The following DPYS variants were observed in gnomAD, a reference collection of about 807,000 sequenced individuals.
DPYS encodes the protein dihydropyrimidinase.
A neutral mutation model predicts 50.3 loss-of-function variants in DPYS; 39 were observed. The ratio of observed to expected loss-of-function variants is 0.78; its 90% CI spans 0.60 to 1.01. The LOEUF (loss-of-function observed/expected upper bound fraction) is 1.01. DPYS is among the 50% of genes least tolerant of loss of function. DPYS has a pLI of 0.00. For synonymous variants in DPYS, 245 were observed against 250.7 expected (o/e 0.98, Z 0.22); for missense variants, 659 against 680.9 (o/e 0.97, Z 0.36).
chr8:104,443,935 C>G (rs1027252035), intron 4 of DPYS, among the ~76,000 whole-genome samples: 2 of 152,050 alleles, frequency 1.3e-5, no homozygotes, highest in African/African-American at 2.4e-5. Context: ...ATTTAGCTAT[C>G]ATATTTAAAA....
intron 9 of DPYS, chr8:104,380,930 A>C: frequency 2.4e-6 from 1 of 410,084 alleles, no homozygotes; most frequent in Non-Finnish European, 4.6e-6. Context: ...ACTTGCTCAT[A>C]GTTGATTATC....
intron 4 of DPYS, among the ~76,000 whole-genome samples, chr8:104,435,994 T>TGAAGGGGAGGG (rs1813128948): frequency 6.6e-6 from 1 of 151,836 alleles, no homozygotes; most frequent in South Asian, 2.1e-4. Context: ...GAAAGGGCAG[T>TGAAGGGGAGGG]GAAGGGGAGG....
intron 7 of DPYS, among the ~76,000 whole-genome samples, chr8:104,422,399 C>G (rs1812578896): frequency 6.6e-6 from 1 of 152,208 alleles, no homozygotes; most frequent in Non-Finnish European, 1.5e-5. Flanking sequence ...CAGCCTGGTA[C>G]TGAATCTCAT....
chr8:104,398,159 C>G (rs1811653059), intron 7 of DPYS, among the ~76,000 whole-genome samples: 1 of 152,232 alleles, frequency 6.6e-6, no homozygotes, highest in Non-Finnish European at 1.5e-5. Flanking sequence ...AGGGCCCAGG[C>G]ATGTGACCTG....
intron 4 of DPYS, among the ~76,000 whole-genome samples, chr8:104,436,428 G>A (rs571953074): frequency 6.6e-6 from 1 of 152,250 alleles, no homozygotes; most frequent in East Asian, 1.9e-4. Flanking sequence ...TGGCCAACAT[G>A]GCGAAACCCT....
intron 1 of DPYS, among the ~76,000 whole-genome samples, chr8:104,457,387 A>C (rs1564114953): frequency 1.3e-5 from 2 of 152,214 alleles, no homozygotes; most frequent in Non-Finnish European, 2.9e-5. Context: ...GACGTTGTAC[A>C]ATTTAAAACT....
intron 5 of DPYS, among the ~76,000 whole-genome samples, chr8:104,428,988 G>A (rs964689682): frequency 1.3e-5 from 2 of 151,898 alleles, no homozygotes; most frequent in South Asian, 2.1e-4. Context: ...AAGCCACCAC[G>A]CCCAGCCAAT....
intron 9 of DPYS, chr8:104,380,951 T>C (rs905175535): frequency 5.0e-5 from 23 of 464,496 alleles, no homozygotes; most frequent in South Asian, 8.5e-5. Context: ...CAAGGCTGTA[T>C]TGAATGTTTC....
intron 7 of DPYS, among the ~76,000 whole-genome samples, chr8:104,404,051 C>A (rs988569659): frequency 6.6e-6 from 1 of 152,212 alleles, no homozygotes; most frequent in Non-Finnish European, 1.5e-5. Context: ...ATAGGCATAA[C>A]AAATATTTAT....
At chr8:104,401,700 A>T (rs920450439) in intron 7 of DPYS, among the ~76,000 whole-genome samples, 2 of 152,194 alleles carry the variant, frequency 1.3e-5, no homozygotes, top group Non-Finnish European at 1.5e-5. Context: ...TCACCATAGA[A>T]GACTTTTTCT....
At chr8:104,420,394 TAC>T (rs1564094150) in intron 7 of DPYS, 1 of 152,158 alleles carries the variant, frequency 6.6e-6, no homozygotes, top group East Asian at 1.9e-4. Context: ...GGGCTCAGCA[TAC>T]AGTTTCTGCA....
chr8:104,388,470 C>T (rs772632326), intron 8 of DPYS, among the ~76,000 whole-genome samples: 11 of 152,124 alleles, frequency 7.2e-5, no homozygotes, highest in African/African-American at 1.4e-4. Context: ...ATTCAAGAAA[C>T]GTAATCCATT....
At chr8:104,428,217 C>A in intron 5 of DPYS, 96 bp from the exon 6 acceptor site, 2 of 1,534,222 alleles carry the variant, frequency 1.3e-6, no homozygotes, top group South Asian at 1.1e-5. Context: ...GCTCCCTTCT[C>A]AATTGAAGTC....
Position 104,395,297 on chromosome 8 carries a change from T to C in DPYS, c.1236-2306A>G, listed in dbSNP as rs554603129. Among the ~76,000 whole-genome samples the C allele has an allele frequency of 3.3e-5, 5 of 152,308 alleles. No homozygotes were observed. The East Asian group carries it at 9.6e-4, about 29-fold the overall frequency. On this transcript the variant is annotated intron_variant, in intron 7 of 9. Coordinates refer to ENST00000351513, the MANE Select transcript of DPYS (RefSeq NM_001385.3). ...TACGGGCATGAGTCACTGCACCTGG[T>C]TGGAAACTTGGATCTTTTTATATTT... is the stretch of plus-strand genomic sequence containing the variant.
At chr8:104,464,233 C>G (rs539950757) in intron 1 of DPYS, among the ~76,000 whole-genome samples, 3 of 152,226 alleles carry the variant, frequency 2.0e-5, no homozygotes, top group African/African-American at 7.2e-5. Context: ...ACAGACTATA[C>G]GCCATAAGGA....
chr8:104,447,551 A>G (rs763986584), intron 2 of DPYS, 48 bp from the exon 3 acceptor site: 33 of 1,598,904 alleles, frequency 2.1e-5, no homozygotes, highest in Non-Finnish European at 2.7e-5. Flanking sequence ...TCTAATTTAA[A>G]TGATAATTTC....
chr8:104,438,420 A>C (rs1325754077), intron 4 of DPYS, among the ~76,000 whole-genome samples: 2 of 152,220 alleles, frequency 1.3e-5, no homozygotes, highest in Non-Finnish European at 2.9e-5. Context: ...TAATGGTCTA[A>C]ATATGTAGCA....
At chr8:104,453,965 T>C (rs1813842781) in intron 1 of DPYS, among the ~76,000 whole-genome samples, 1 of 152,268 alleles carries the variant, frequency 6.6e-6, no homozygotes, top group African/African-American at 2.4e-5. Context: ...TGTGTGATTC[T>C]ATTTATATGA....
At chr8:104,429,494 C>T (rs377018086) in intron 5 of DPYS, 51 bp downstream of exon 5, 1 of 1,612,572 alleles carries the variant, frequency 6.2e-7, no homozygotes, top group Non-Finnish European at 8.5e-7. Flanking sequence ...CTCCCTTCTA[C>T]CCAAACCTTC....
Sources: allele counts gnomAD v4.1 joint callset (sites outside exome capture counted in the v4.1 genomes callset), GRCh38; gene constraint gnomAD v4.1.1; transcripts MANE v1.5; gene names NCBI Gene and HGNC (gene_info 2026-07-23, HGNC 2026-07-21).